The following TMTC3 variants were observed in gnomAD, a reference collection of about 807,000 sequenced individuals.
TMTC3 encodes protein O-mannosyl-transferase TMTC3.
A neutral mutation model predicts 92.2 loss-of-function variants in TMTC3; 52 were observed. The observed-to-expected ratio is 0.56, with a 90% CI of 0.45 to 0.71. The LOEUF (loss-of-function observed/expected upper bound fraction) is 0.71, where lower values mean the gene tolerates loss of function less well. Ranked by LOEUF, TMTC3 falls within the 30% of genes least tolerant of loss-of-function variation. TMTC3 has a pLI of 0.00. For synonymous variants in TMTC3, 339 were observed against 363.3 expected (o/e 0.93, Z 0.76); for missense variants, 896 against 1,057.1 (o/e 0.85, Z 2.11).
chr12:88,164,045 T>A (rs908281727), intron 6 of TMTC3, among the ~76,000 whole-genome samples: 1 of 151,704 alleles, frequency 6.6e-6, no homozygotes, highest in African/African-American at 2.4e-5. Context: ...ATAGAAAAAT[T>A]AGCCAGCGTG....
chr12:88,191,635 G>C (rs1480087434), intron 12 of TMTC3, among the ~76,000 whole-genome samples: 1 of 152,130 alleles, frequency 6.6e-6, no homozygotes, highest in Non-Finnish European at 1.5e-5. Context: ...AATTCTAAGT[G>C]TGTTCCTCAA....
At chr12:88,158,239 A>G (rs1246730570) in intron 4 of TMTC3, among the ~76,000 whole-genome samples, 1 of 152,172 alleles carries the variant, frequency 6.6e-6, no homozygotes, top group African/African-American at 2.4e-5. Context: ...GTAGACATAC[A>G]CATCCATTCA....
At chr12:88,150,662 G>A (rs764509008) in intron 2 of TMTC3, among the ~76,000 whole-genome samples, 1 of 152,116 alleles carries the variant, frequency 6.6e-6, no homozygotes, top group Non-Finnish European at 1.5e-5. Flanking sequence ...TCTCCCTGAA[G>A]GCAAATGTGA....
At position 88,166,210 on chromosome 12, in the gene TMTC3, CTG is replaced by C. The variant is rs1440752002; in HGVS notation, c.798-116_798-115del. On this transcript the variant is annotated intron_variant, in intron 6 of 13. Transcript: ENST00000266712. ...AGTCTGAGGTACACATAACATTTGT[CTG>C]TGTCTTCTGTTTAATAAGATGATAT... The C allele has an allele frequency of 4.1e-6, 4 of 975,020 alleles. No individual in the cohort carries two copies. In the African/African-American group the frequency reaches 6.6e-5, roughly 16 times the overall value. 60.4% of individuals were successfully genotyped at this position (975,020 alleles called of 1,614,324 possible). A position where few individuals can be genotyped will look rare whatever the true frequency, so the allele number is the denominator to read the frequency against.
At chr12:88,190,219 T>C (rs567238523) in intron 11 of TMTC3, among the ~76,000 whole-genome samples, 13 of 152,290 alleles carry the variant, frequency 8.5e-5, no homozygotes, top group African/African-American at 3.1e-4. Context: ...GCCACCTCAG[T>C]GGATTATTAG....
At chr12:88,147,694 G>T (rs765512562) in intron 1 of TMTC3, among the ~76,000 whole-genome samples, 1 of 151,794 alleles carries the variant, frequency 6.6e-6, no homozygotes, top group African/African-American at 2.4e-5. Context: ...TGCCTCAGAA[G>T]TTTGAAGCAT....
intron 1 of TMTC3, among the ~76,000 whole-genome samples, chr12:88,146,398 C>G (rs1395013538): frequency 3.9e-5 from 6 of 152,036 alleles, no homozygotes; most frequent in Admixed American, 3.9e-4. Flanking sequence ...CTCCTGTTGT[C>G]CTGAGATCAT....
chr12:88,162,801 C>T (rs1327587040), intron 6 of TMTC3, among the ~76,000 whole-genome samples: 1 of 152,116 alleles, frequency 6.6e-6, no homozygotes, highest in Non-Finnish European at 1.5e-5. Context: ...AATTGTTGAA[C>T]AGATACCATT....
At position 88,197,474 on chromosome 12, in the gene TMTC3, T is replaced by TATC. The variant is rs1235630912; in HGVS notation, c.*1826_*1828dup. 3.9e-5 allele frequency: 6 copies of TATC among 152,298 alleles called. No individual in the cohort carries two copies. Among genetic ancestry groups the TATC allele is most frequent in the Admixed American group, 3.3e-4 (5 of 15,230 alleles). The allele number at this position is 152,298 out of a possible 1,614,324, so 9.4% of individuals were successfully genotyped here. On this transcript the variant is annotated 3_prime_UTR_variant, in exon 14 of 14. Transcript: ENST00000266712. The stretch of plus-strand genomic sequence containing the variant: ...TTAAAATTCTTAGGCTCTCTCCATG[T>TATC]ATCTTTCTTAAGGAAAAGTTTCTGA...
intron 4 of TMTC3, among the ~76,000 whole-genome samples, chr12:88,158,202 A>G (rs1477145491): frequency 6.6e-6 from 1 of 152,166 alleles, no homozygotes; most frequent in Admixed American, 6.5e-5. Flanking sequence ...TCTGCTTTCA[A>G]TGCTATTATT....
At chr12:88,192,907 C>A in intron 13 of TMTC3, 77 bp downstream of exon 13, 1 of 1,218,332 alleles carries the variant, frequency 8.2e-7, no homozygotes, top group Non-Finnish European at 1.1e-6. Flanking sequence ...AACTTTATTA[C>A]CCATAGCAAA....
rs906255010 is a variant in TMTC3 at position 88,153,820 on chromosome 12, C to T, written c.408+311C>T. Among the ~76,000 whole-genome samples the T allele has an allele frequency of 8.6e-5, 13 of 151,850 alleles. No homozygotes were observed. The South Asian group carries it at 1.5e-3, about 17-fold the overall frequency. ...TCACTTTTTTTAATGAACAAGATTTCTAAGGACTATTTAAAGTTTATTGTC... is the reference window on the plus strand; with the variant it reads ...TCACTTTTTTTAATGAACAAGATTTTTAAGGACTATTTAAAGTTTATTGTC... On this transcript the variant is annotated intron_variant, in intron 3 of 13. Coordinates refer to ENST00000266712, the MANE Select transcript of TMTC3 (RefSeq NM_181783.4).
intron 6 of TMTC3, among the ~76,000 whole-genome samples, chr12:88,163,796 A>G (rs1357474631): frequency 6.6e-6 from 1 of 152,250 alleles, no homozygotes; most frequent in South Asian, 2.1e-4. Flanking sequence ...ACTATTTTCA[A>G]ATAACACCAC....
In TMTC3 at chr12:88,154,386, A is replaced by C; in HGVS notation, c.507A>C (p.Ile169=). 6.3e-7 allele frequency: 1 copy of C among 1,588,154 alleles called. No homozygotes were observed. The highest frequency in any genetic ancestry group is 2.3e-5 in the East Asian group (1 of 44,144). The change falls in exon 4 of 14, where the codon ATA becomes ATC. Residue 169 remains isoleucine, a splice_region_variant and synonymous_variant. Transcript: ENST00000266712. ...YTRSKGPDNS[I]IWTPIALTVF... ...GATCAAAAGGACCAGACAATTCCAT[A>C]AGTACATGTCTCACATTTGATTTTT...
In TMTC3 at chr12:88,196,724, A is replaced by C. The variant is rs951249493; in HGVS notation, c.*1075A>C. The C allele has an allele frequency of 6.6e-6, 1 of 151,896 alleles. No individual in the cohort carries two copies. The highest frequency in any genetic ancestry group is 2.4e-5 in the African/African-American group (1 of 41,438). 9.4% of individuals were successfully genotyped at this position (151,896 alleles called of 1,614,324 possible). On this transcript the variant is annotated 3_prime_UTR_variant, in exon 14 of 14. Coordinates refer to ENST00000266712, the MANE Select transcript of TMTC3 (RefSeq NM_181783.4). ...AAATATTTATTTTGACTAAGCTTTC[A>C]TAAAATATTTGAAGCTATTTTAATC...
At chr12:88,179,840 A>C (rs759921703) in intron 10 of TMTC3, among the ~76,000 whole-genome samples, 12 of 152,184 alleles carry the variant, frequency 7.9e-5, no homozygotes, top group Non-Finnish European at 1.8e-4. Context: ...CCTGTGCGCA[A>C]ATGATCAAAG....
At chr12:88,190,242 ATCTG>A (rs2041427039) in intron 11 of TMTC3, among the ~76,000 whole-genome samples, 1 of 152,152 alleles carries the variant, frequency 6.6e-6, no homozygotes, top group East Asian at 1.9e-4. Flanking sequence ...TTTTATTTGT[ATCTG>A]TCTTTTTCTG....
intron 13 of TMTC3, among the ~76,000 whole-genome samples, chr12:88,193,152 T>G (rs931767862): frequency 1.3e-5 from 2 of 152,066 alleles, no homozygotes; most frequent in Non-Finnish European, 2.9e-5. Flanking sequence ...ATATAAACTC[T>G]CCAAATAATA....
intron 2 of TMTC3, among the ~76,000 whole-genome samples, chr12:88,152,400 A>G (rs949258578): frequency 2.6e-5 from 4 of 152,130 alleles, no homozygotes; most frequent in Admixed American, 6.6e-5. Flanking sequence ...CCCAACCCCA[A>G]TGACCCAAAC....
Sources: allele counts gnomAD v4.1 joint callset (sites outside exome capture counted in the v4.1 genomes callset), GRCh38; gene constraint gnomAD v4.1.1; transcripts MANE v1.5; gene names NCBI Gene and HGNC (gene_info 2026-07-23, HGNC 2026-07-21).